The following MLLT6 variants were observed in gnomAD, a reference collection of about 807,000 sequenced individuals.
The protein encoded by MLLT6 is MLLT6, PHD finger containing.
In MLLT6, 22 loss-of-function variants were observed where a neutral mutation model predicts 103.0. The ratio of observed to expected loss-of-function variants is 0.21; its 90% CI spans 0.15 to 0.31. MLLT6 has a LOEUF of 0.31. MLLT6 is among the 10% of genes least tolerant of loss of function. The pLI is 1.00. For synonymous variants in MLLT6, 606 were observed against 623.5 expected (o/e 0.97, Z 0.42); for missense variants, 1,199 against 1,441.7 (o/e 0.83, Z 2.73).
chr17:38,716,796 G>A lies in MLLT6; in HGVS notation c.1466G>A (p.Gly489Asp), dbSNP rs1476003953. The A allele has an allele frequency of 1.2e-6, 2 of 1,611,218 alleles. No individual in the cohort carries two copies. Among genetic ancestry groups the A allele is most frequent in the South Asian group, 1.1e-5 (1 of 90,628 alleles). Reference protein sequence around the residue: ...GRPKGSRNKEGTGGPAAPSLP... With the variant: ...GRPKGSRNKEDTGGPAAPSLP... ...CCCAAGGGCAGCCGGAACAAGGAGG[G>A]CACTGGGGGCCCAGCTGCCCCATCC... Residue 489 changes from glycine to aspartate, a missense_variant, in exon 10 of 20, where the codon GGC (glycine) becomes GAC (aspartate). Gly to Asp is a moderately conservative substitution (Grantham distance 94, BLOSUM62 -1). This residue lies in a region of MLLT6 where 1,034 missense variants were observed against 1,091.5 expected (regional missense o/e 0.95). Transcript: ENST00000621332. This position sits in a 1 kb window ranked among gnomAD's most constrained non-coding sequence, Gnocchi z 5.6.
In MLLT6 at chr17:38,727,244, A is replaced by G. The variant is rs1173974430; in HGVS notation, c.*1646A>G. ...GCTGCTCAACTGTTTTTTTTTTCTGATACTGAAAATAATATTAATATTCCT... is the reference window on the plus strand; with the variant it reads ...GCTGCTCAACTGTTTTTTTTTTCTGGTACTGAAAATAATATTAATATTCCT... On this transcript the variant is annotated 3_prime_UTR_variant, in exon 20 of 20. Coordinates refer to ENST00000621332, the MANE Select transcript of MLLT6 (RefSeq NM_005937.4). 1 of 222,200 alleles carries G rather than the reference A, an allele frequency of 4.5e-6. No individual in the cohort carries two copies. Among genetic ancestry groups the G allele is most frequent in the Non-Finnish European group, 8.7e-6 (1 of 114,512 alleles). The allele number at this position is 222,200 out of a possible 1,614,324, so 13.8% of individuals were successfully genotyped here. A position where few individuals can be genotyped will look rare whatever the true frequency, so the allele number is the denominator to read the frequency against.
rs1269191444 is a variant in MLLT6 at position 38,720,461 on chromosome 17, C to T, written c.2245C>T (p.Arg749Trp). ...QILSLTAKKE[R>W]LQILNVQLSV... ...CCTGAGCCTGACGGCCAAAAAGGAG[C>T]GGCTGCAGATTCTCAACGTGCAGCT... The change falls in exon 15 of 20, where the codon CGG (arginine) becomes TGG (tryptophan). Residue 749 changes from arginine to tryptophan, a missense_variant. Transcript: ENST00000621332. 2 of 1,612,948 alleles carry T rather than the reference C, an allele frequency of 1.2e-6. No individual in the cohort carries two copies. The highest frequency in any genetic ancestry group is 1.7e-6 in the Non-Finnish European group (2 of 1,179,972).
In MLLT6 at chr17:38,729,159, A is replaced by C. The variant is rs771334482; in HGVS notation, c.*3561A>C. 5.6e-5 allele frequency: 13 copies of C among 233,162 alleles called. No individual in the cohort carries two copies. The highest frequency in any genetic ancestry group is 8.5e-5 in the Non-Finnish European group (10 of 118,090). The allele number at this position is 233,162 out of a possible 1,614,324, so 14.4% of individuals were successfully genotyped here. On this transcript the variant is annotated 3_prime_UTR_variant, in exon 20 of 20. Coordinates refer to ENST00000621332, the MANE Select transcript of MLLT6 (RefSeq NM_005937.4). ...AATTGGAAATGAAGACAGGTTTTCA[A>C]AGGCACAGGCTCCCCCTGCCAGCTT... is the stretch of plus-strand genomic sequence containing the variant.
rs1905312332 is a variant in MLLT6 at position 38,715,775 on chromosome 17, C to T, written c.983C>T (p.Ser328Phe). ...GGTGTGAGCAGTTTTACCTCCGCCTCCTCTTCTTCCTCCTCCTCTTCCTCC... is the reference window on the plus strand; with the variant it reads ...GGTGTGAGCAGTTTTACCTCCGCCTTCTCTTCTTCCTCCTCCTCTTCCTCC... ...GKGVSSFTSA[S>F]SSSSSSSSSS... The change falls in exon 9 of 20, where the codon TCC becomes TTC. Residue 328 changes from serine (S) to phenylalanine (F), a missense_variant. Physicochemically the swap from Ser to Phe is radical, Grantham distance 155. Around this residue, in one of 7 missense-constraint regions of MLLT6, gnomAD observed 1,034 missense variants for 1,091.5 expected, o/e 0.95. Transcript: ENST00000621332. The T allele has an allele frequency of 1.9e-6, 3 of 1,612,206 alleles. No homozygotes were observed. The highest frequency in any genetic ancestry group is 4.5e-5 in the East Asian group (2 of 44,870).
At position 38,723,481 on chromosome 17, in the gene MLLT6, G is replaced by C. The variant is rs570842606; in HGVS notation, c.2883+713G>C. On this transcript the variant is annotated intron_variant, in intron 18 of 19. Coordinates refer to ENST00000621332, the MANE Select transcript of MLLT6 (RefSeq NM_005937.4). ...CACTCCAGCCTGGGTGACAGAATGA[G>C]ACCCTGTCTCAAAAACAAAACAGGG... Among the ~76,000 whole-genome samples, 3 of 152,196 alleles carry C rather than the reference G, an allele frequency of 2.0e-5. No individual in the cohort carries two copies. In the East Asian group the frequency reaches 5.8e-4, roughly 29 times the overall value.
Position 38,725,842 on chromosome 17 carries a change from C to G in MLLT6, c.*244C>G, listed in dbSNP as rs1398795824. The G allele has an allele frequency of 4.1e-6, 2 of 486,770 alleles. No homozygotes were observed. Among genetic ancestry groups the G allele is most frequent in the African/African-American group, 4.1e-5 (2 of 49,190 alleles). 30.2% of individuals were successfully genotyped at this position (486,770 alleles called of 1,614,324 possible). On this transcript the variant is annotated 3_prime_UTR_variant, in exon 20 of 20. Coordinates refer to ENST00000621332, the MANE Select transcript of MLLT6 (RefSeq NM_005937.4). ...TTGTGAGGCTCAGAGGAAGGACAGT[C>G]TGCAAGCCCGCCTAGGAGGTCCATC...
At position 38,705,491 on chromosome 17, in the gene MLLT6, G is replaced by A; in HGVS notation, c.-142G>A. ...GACGCGGAGGAGGAGGAAGGAGGAG[G>A]CAAAGAAAAGAAGCGGCGGCGGCGG... On this transcript the variant is annotated 5_prime_UTR_variant, in exon 1 of 20. Coordinates refer to ENST00000621332, the MANE Select transcript of MLLT6 (RefSeq NM_005937.4). The A allele has an allele frequency of 2.1e-6, 1 of 475,446 alleles. No individual in the cohort carries two copies. The highest frequency in any genetic ancestry group is 3.8e-6 in the Non-Finnish European group (1 of 264,654). The allele number at this position is 475,446 out of a possible 1,614,324, so 29.5% of individuals were successfully genotyped here. A position where few individuals can be genotyped will look rare whatever the true frequency, so the allele number is the denominator to read the frequency against.
intron 13 of MLLT6, 56 bp downstream of exon 13, chr17:38,719,639 A>T (rs1905570015): frequency 3.2e-6 from 5 of 1,572,398 alleles, no homozygotes; most frequent in Non-Finnish European, 4.3e-6. Flanking sequence ...CACCCGAGGG[A>T]GGAGGGACGG....
At chr17:38,725,464 C>T (rs922566122) in intron 19 of MLLT6, 93 bp from the exon 20 acceptor site, 3 of 1,194,276 alleles carry the variant, frequency 2.5e-6, no homozygotes, top group Non-Finnish European at 2.4e-6. Flanking sequence ...TTCAGTACCC[C>T]ACAGCAGCTT....
Position 38,725,662 on chromosome 17 carries a change from A to G in MLLT6, c.*64A>G. Reference sequence around the variant, plus strand: ...AACAGATCCTGGCCTGAGGGGTCCTAGCCTGGAGCAGGCGCCTGCGCCCAG... The same window carrying G: ...AACAGATCCTGGCCTGAGGGGTCCTGGCCTGGAGCAGGCGCCTGCGCCCAG... On this transcript the variant is annotated 3_prime_UTR_variant, in exon 20 of 20. Transcript: ENST00000621332. The G allele has an allele frequency of 2.2e-6, 3 of 1,391,054 alleles. No individual in the cohort carries two copies. Among genetic ancestry groups the G allele is most frequent in the Non-Finnish European group, 2.0e-6 (2 of 1,018,068 alleles). 86.2% of individuals were successfully genotyped at this position (1,391,054 alleles called of 1,614,324 possible). A position where few individuals can be genotyped will look rare whatever the true frequency, so the allele number is the denominator to read the frequency against.
chr17:38,719,716 G>C (rs764224742), intron 13 of MLLT6, 34 bp from the exon 14 acceptor site: 4 of 1,595,090 alleles, frequency 2.5e-6, no homozygotes, highest in Non-Finnish European at 3.4e-6. Context: ...TGGAGTGGTC[G>C]GGTCGACTGA....
At chr17:38,712,982 C>A in intron 8 of MLLT6, 193 bp downstream of exon 8, 1 of 773,840 alleles carries the variant, frequency 1.3e-6, no homozygotes, top group South Asian at 1.3e-5. Context: ...CACCGACCAA[C>A]CATGGGATTG....
chr17:38,721,020 A>G, intron 16 of MLLT6: 1 of 548,584 alleles, frequency 1.8e-6, no homozygotes, highest in Admixed American at 3.5e-5. Flanking sequence ...ACTGGGAGAT[A>G]TGTTAGTGTG....
chr17:38,714,951 A>G lies in MLLT6; in HGVS notation c.820-661A>G, dbSNP rs560453887. ...GTCATGTGTGCACAGTTCTCTGGAA[A>G]TAAGGGGACAGAATGTCTTGTTCCA... On this transcript the variant is annotated intron_variant, in intron 8 of 19. Coordinates refer to ENST00000621332, the MANE Select transcript of MLLT6 (RefSeq NM_005937.4). Among the ~76,000 whole-genome samples the G allele has an allele frequency of 5.9e-5, 9 of 152,330 alleles. No homozygotes were observed. The East Asian group carries it at 1.7e-3, about 29-fold the overall frequency.
intron 19 of MLLT6, 68 bp from the exon 20 acceptor site, chr17:38,725,489 G>C (rs1179079022): frequency 2.1e-6 from 3 of 1,438,966 alleles, no homozygotes; most frequent in Non-Finnish European, 2.9e-6. Context: ...GGCCTAGGAA[G>C]CTGTTCTTAT....
Position 38,719,871 on chromosome 17 carries a change from G to A in MLLT6, c.2131G>A (p.Gly711Ser). 6.3e-7 allele frequency: 1 copy of A among 1,599,708 alleles called. No homozygotes were observed. The highest frequency in any genetic ancestry group is 8.5e-7 in the Non-Finnish European group (1 of 1,173,850). ...CATGGAGCAGCTTCTGGAGAAGCAG[G>A]GCGACGGGGAGGCCGGCGTCAACAG... ...TNMEQLLEKQ[G>S]DGEAGVNIVE... Residue 711 changes from glycine to serine, a missense_variant, in exon 14 of 20, where the codon GGC becomes AGC. By Grantham distance (56) the Gly-to-Ser change is moderately conservative. Coordinates refer to ENST00000621332, the MANE Select transcript of MLLT6 (RefSeq NM_005937.4).
At position 38,725,650 on chromosome 17, in the gene MLLT6, C is replaced by T. The variant is rs753867205; in HGVS notation, c.*52C>T. On this transcript the variant is annotated 3_prime_UTR_variant, in exon 20 of 20. Transcript: ENST00000621332. ...CCAAGTGGAGGGAACAGATCCTGGC[C>T]TGAGGGGTCCTAGCCTGGAGCAGGC... 9 of 1,465,492 alleles carry T rather than the reference C, an allele frequency of 6.1e-6. No homozygotes were observed. Among genetic ancestry groups the T allele is most frequent in the Non-Finnish European group, 8.4e-6 (9 of 1,076,872 alleles). The allele number at this position is 1,465,492 out of a possible 1,614,324, so 90.8% of individuals were successfully genotyped here. A position where few individuals can be genotyped will look rare whatever the true frequency, so the allele number is the denominator to read the frequency against.
chr17:38,712,035 G>A, intron 7 of MLLT6, 21 bp downstream of exon 7: 3 of 1,530,322 alleles, frequency 2.0e-6, no homozygotes, highest in Non-Finnish European at 2.6e-6. Flanking sequence ...TCCCCCACCT[G>A]CCATCACTCC....
intron 1 of MLLT6, chr17:38,706,234 A>C (rs1303576582): frequency 6.6e-6 from 1 of 152,400 alleles, no homozygotes; most frequent in Non-Finnish European, 1.5e-5. Flanking sequence ...TAAGGATAGG[A>C]GAGAGGTTGT....
Sources: gnomAD v4.1 joint callset for allele counts (sites outside exome capture counted in the v4.1 genomes callset) on GRCh38, gnomAD v4.1.1 for gene constraint, gnomAD v4.1.1 regional missense constraint, Gnocchi (gnomAD v3.1) non-coding constraint, MANE v1.5 for transcripts, NCBI Gene and HGNC (gene_info 2026-07-23, HGNC 2026-07-21) for gene names.